The following RAB3B variants were observed in gnomAD, a reference collection of about 807,000 sequenced individuals.
RAB3B encodes the protein RAB3B, member RAS oncogene family.
In RAB3B, 11 loss-of-function variants were observed where a neutral mutation model predicts 20.5. That is an observed-to-expected ratio of 0.54 (90% confidence interval 0.34 to 0.89). RAB3B has a LOEUF of 0.89. Among genes scored for constraint, RAB3B ranks in the 40% least tolerant of loss-of-function variants. The probability of loss-of-function intolerance (pLI) is 0.02; values close to 1 mark genes in which losing one functional copy is unlikely to be tolerated. For missense variants in RAB3B, 225 were observed against 280.9 expected (o/e 0.80, Z 1.42); for synonymous variants, 99 against 106.3 (o/e 0.93, Z 0.42).
chr1:51,979,993 A>G (rs561405599), intron 1 of RAB3B, among the ~76,000 whole-genome samples: 1 of 152,166 alleles, frequency 6.6e-6, no homozygotes, highest in East Asian at 1.9e-4. Context: ...GTGAGCTGAG[A>G]TCCAGGCCAC....
intron 4 of RAB3B, among the ~76,000 whole-genome samples, chr1:51,921,511 T>C (rs1374172742): frequency 6.6e-6 from 1 of 152,100 alleles, no homozygotes. Context: ...CCTTTTCTCT[T>C]TCACTTTGCA....
At chr1:51,939,731 T>C (rs1241018136) in intron 2 of RAB3B, among the ~76,000 whole-genome samples, 2 of 152,190 alleles carry the variant, frequency 1.3e-5, no homozygotes, top group Non-Finnish European at 2.9e-5. Flanking sequence ...TGTGCCACCA[T>C]GCCTGGCTAA....
chr1:51,964,238 T>C (rs1447894327), intron 2 of RAB3B, among the ~76,000 whole-genome samples: 1 of 152,216 alleles, frequency 6.6e-6, no homozygotes, highest in Non-Finnish European at 1.5e-5. Context: ...AGTTCCCATA[T>C]TCATAACCTA....
intron 4 of RAB3B, among the ~76,000 whole-genome samples, chr1:51,927,706 G>A (rs1178693753): frequency 6.6e-6 from 1 of 152,194 alleles, no homozygotes; most frequent in Non-Finnish European, 1.5e-5. Flanking sequence ...AGGAGACTGA[G>A]GCAGGAAGAT....
chr1:51,984,345 C>T (rs1473840467), intron 1 of RAB3B, among the ~76,000 whole-genome samples: 1 of 130,716 alleles, frequency 7.7e-6, no homozygotes, highest in Non-Finnish European at 1.6e-5. Flanking sequence ...TTTCAGTTGA[C>T]TACATTATAT....
rs1192438567 is a variant in RAB3B, at chr1:51,919,952, A to G, written c.635T>C (p.Leu212Pro). The G allele has an allele frequency of 6.2e-7, 1 of 1,613,622 alleles. No individual in the cohort carries two copies. The highest frequency in any genetic ancestry group is 2.2e-5 in the East Asian group (1 of 44,878). The change falls in exon 5 of 5, where the codon CTG (leucine) becomes CCG (proline). Residue 212 changes from leucine (L) to proline (P), a missense_variant. Leu to Pro is a moderately conservative substitution (Grantham distance 98, BLOSUM62 -3). Coordinates refer to ENST00000371655, the MANE Select transcript of RAB3B (RefSeq NM_002867.4). ...KNTRLSDTPPLLQQNCSC is the reference protein window; with the variant it reads ...KNTRLSDTPPPLQQNCSC ...CTAGCATGAGCAGTTCTGCTGCAGC[A>G]GCGGTGGGGTGTCCGAGAGACGCGT...
At position 51,919,849 on chromosome 1, in the gene RAB3B, G is replaced by T; in HGVS notation, c.*78C>A. 2 of 1,391,176 alleles carry T rather than the reference G, an allele frequency of 1.4e-6. No homozygotes were observed. The highest frequency in any genetic ancestry group is 1.4e-5 in the African/African-American group (1 of 70,036). The allele number at this position is 1,391,176 out of a possible 1,614,324, so 86.2% of individuals were successfully genotyped here. On this transcript the variant is annotated 3_prime_UTR_variant, in exon 5 of 5. Coordinates refer to ENST00000371655, the MANE Select transcript of RAB3B (RefSeq NM_002867.4). ...GTGTGTAACAGGGAGAGTGGGCTGA[G>T]AGCGGACAGTGTGTAACAGGGAGAA...
intron 3 of RAB3B, among the ~76,000 whole-genome samples, chr1:51,936,259 C>T (rs1218851917): frequency 1.3e-5 from 2 of 152,150 alleles, no homozygotes; most frequent in Non-Finnish European, 2.9e-5. Flanking sequence ...TGTCCTTCCC[C>T]TCAGGCTCCC....
At chr1:51,965,418 G>A (rs1684836930) in intron 2 of RAB3B, among the ~76,000 whole-genome samples, 1 of 152,000 alleles carries the variant, frequency 6.6e-6, no homozygotes, top group Admixed American at 6.5e-5. Context: ...GGAGGCTGAG[G>A]TGGGTGGATC....
At chr1:51,937,623 G>A (rs551725687) in intron 2 of RAB3B, among the ~76,000 whole-genome samples, 13 of 151,910 alleles carry the variant, frequency 8.6e-5, no homozygotes, top group African/African-American at 2.7e-4. Flanking sequence ...TCAGCTTCCC[G>A]AGTGGCTGGG....
chr1:51,983,649 A>G lies in RAB3B; in HGVS notation c.1-6532T>C, dbSNP rs575866936. On this transcript the variant is annotated intron_variant, in intron 1 of 4. Coordinates refer to ENST00000371655, the MANE Select transcript of RAB3B (RefSeq NM_002867.4). ...AATACTACAAAAATTTAGTAGTACCAAAAGTACTACAAAAATATGAGATTT... is the reference window on the plus strand; with the variant it reads ...AATACTACAAAAATTTAGTAGTACCGAAAGTACTACAAAAATATGAGATTT... Among the ~76,000 whole-genome samples the G allele has an allele frequency of 2.6e-5, 4 of 152,302 alleles. No individual in the cohort carries two copies. The South Asian group carries it at 8.3e-4, about 32-fold the overall frequency.
intron 2 of RAB3B, among the ~76,000 whole-genome samples, chr1:51,971,333 C>T (rs908632272): frequency 1.3e-5 from 2 of 152,106 alleles, no homozygotes; most frequent in Non-Finnish European, 2.9e-5. Context: ...GCAGTCTCCC[C>T]CTATCCTTGG....
chr1:51,932,565 T>C (rs1684341157), intron 4 of RAB3B, among the ~76,000 whole-genome samples: 1 of 152,240 alleles, frequency 6.6e-6, no homozygotes, highest in Admixed American at 6.5e-5. Context: ...ATGAGCTACA[T>C]ACTCAAACCA....
chr1:51,939,613 C>T (rs918614172), intron 2 of RAB3B, among the ~76,000 whole-genome samples: 6 of 151,974 alleles, frequency 3.9e-5, no homozygotes, highest in African/African-American at 7.3e-5. Flanking sequence ...CAGGATGTCA[C>T]GCTGTCATCC....
At chr1:51,957,961 G>A (rs1684733105) in intron 2 of RAB3B, among the ~76,000 whole-genome samples, 2 of 152,166 alleles carry the variant, frequency 1.3e-5, no homozygotes, top group South Asian at 4.1e-4. Context: ...TCACAAAATG[G>A]CACCTCGTGG....
At chr1:51,972,317 A>T (rs372740248) in intron 2 of RAB3B, among the ~76,000 whole-genome samples, 3 of 152,204 alleles carry the variant, frequency 2.0e-5, no homozygotes, top group African/African-American at 7.2e-5. Context: ...GCAATTGATC[A>T]TCAAATTCTG....
chr1:51,990,261 G>A (rs1440816702), intron 1 of RAB3B, among the ~76,000 whole-genome samples: 1 of 69,316 alleles, frequency 1.4e-5, no homozygotes, highest in Non-Finnish European at 2.7e-5. Context: ...ATCCCTCACT[G>A]CCCTCCAGTT....
intron 2 of RAB3B, among the ~76,000 whole-genome samples, chr1:51,975,762 G>A (rs1481870461): frequency 6.6e-6 from 1 of 152,152 alleles, no homozygotes; most frequent in South Asian, 2.1e-4. Context: ...GGGAGGCCGA[G>A]GTGGGCGGAT....
At chr1:51,974,466 T>C (rs1684981150) in intron 2 of RAB3B, among the ~76,000 whole-genome samples, 1 of 152,230 alleles carries the variant, frequency 6.6e-6, no homozygotes, top group Non-Finnish European at 1.5e-5. Context: ...GCTGATGCCA[T>C]GGGTCTGGGA....
Sources: allele counts gnomAD v4.1 joint callset (sites outside exome capture counted in the v4.1 genomes callset), GRCh38; gene constraint gnomAD v4.1.1; transcripts MANE v1.5; gene names NCBI Gene and HGNC (gene_info 2026-07-23, HGNC 2026-07-21).